TNFRSF21: variants seen among roughly 807,000 people sequenced by gnomAD.
TNFRSF21 encodes TNF receptor superfamily member 21, also known as tumor necrosis factor receptor superfamily member 21.
In TNFRSF21, 19 loss-of-function variants were observed where a neutral mutation model predicts 45.6. That is an observed-to-expected ratio of 0.42 (90% CI 0.29 to 0.61). TNFRSF21 has a LOEUF of 0.61. TNFRSF21 is among the 20% of genes least tolerant of loss of function. The pLI, the probability that TNFRSF21 is intolerant of heterozygous loss-of-function variation, is 0.23. For synonymous variants in TNFRSF21, 314 were observed against 335.5 expected (o/e 0.94, Z 0.70); for missense variants, 737 against 851.5 (o/e 0.87, Z 1.67).
At position 47,284,342 on chromosome 6, in the gene TNFRSF21, C is replaced by A; in HGVS notation, c.839G>T (p.Ser280Ile). Residue 280 changes from serine to isoleucine, a missense_variant, in exon 3 of 6, where the codon AGC becomes ATC. Ser to Ile is a moderately radical substitution (Grantham distance 142). Transcript: ENST00000296861. ...IQEGTVPDNT[S>I]SARGKEDVNK... The stretch of plus-strand genomic sequence containing the variant: ...CACGTCTTCCTTCCCCCTTGCTGAG[C>A]TTGTGTTGTCAGGGACTGTCCCTTC... 2 of 1,586,938 alleles carry A rather than the reference C, an allele frequency of 1.3e-6. No homozygotes were observed. Among genetic ancestry groups the A allele is most frequent in the Non-Finnish European group, 8.6e-7 (1 of 1,167,652 alleles).
chr6:47,262,998 T>C (rs1291689397), intron 3 of TNFRSF21, among the ~76,000 whole-genome samples: 2 of 152,018 alleles, frequency 1.3e-5, no homozygotes, highest in Non-Finnish European at 2.9e-5. Context: ...CAGATAAAAA[T>C]GGAGCAACCA....
In TNFRSF21 at chr6:47,243,560, G is replaced by A. The variant is rs373330831; in HGVS notation, c.1510-8662C>T. Among the ~76,000 whole-genome samples the A allele has an allele frequency of 9.9e-5, 15 of 152,170 alleles. No homozygotes were observed. The East Asian group carries it at 2.7e-3, about 27-fold the overall frequency. Reference sequence around the variant, plus strand: ...AGCCTCCTGACTAGCTGGGATTACAGGCATGCACCACCAGGCCCAGATGAT... The same window carrying A: ...AGCCTCCTGACTAGCTGGGATTACAAGCATGCACCACCAGGCCCAGATGAT... On this transcript the variant is annotated intron_variant, in intron 4 of 5. Transcript: ENST00000296861.
At position 47,286,139 on chromosome 6, in the gene TNFRSF21, T is replaced by G; in HGVS notation, c.553A>C (p.Lys185Gln). Residue 185 changes from lysine (K) to glutamine (Q), a missense_variant, in exon 2 of 6, where the codon AAA becomes CAA. Lys to Gln is a moderately conservative substitution (Grantham distance 53). Transcript: ENST00000296861. ...TFSDVPSSVM[K>Q]CKAYTDCLSQ... ...AGACAGTCTGTGTATGCTTTGCATT[T>G]CATCACACTAGAAGGCACATCTGAG... 6.2e-7 allele frequency: 1 copy of G among 1,614,228 alleles called. No homozygotes were observed. Among genetic ancestry groups the G allele is most frequent in the Non-Finnish European group, 8.5e-7 (1 of 1,180,052 alleles).
chr6:47,256,723 C>T (rs751557521), intron 3 of TNFRSF21, among the ~76,000 whole-genome samples: 5 of 152,174 alleles, frequency 3.3e-5, no homozygotes, highest in Non-Finnish European at 7.3e-5. Flanking sequence ...TGATTTTAAA[C>T]CCTGCAGGTA....
chr6:47,297,711 C>T (rs1269968964), intron 1 of TNFRSF21, among the ~76,000 whole-genome samples: 3 of 151,846 alleles, frequency 2.0e-5, no homozygotes, highest in Non-Finnish European at 2.9e-5. Context: ...TTAGTAGAGA[C>T]GGGACTTCAC....
intron 4 of TNFRSF21, among the ~76,000 whole-genome samples, chr6:47,237,470 A>C (rs1385966681): frequency 6.6e-6 from 1 of 152,186 alleles, no homozygotes; most frequent in Admixed American, 6.5e-5. Flanking sequence ...ATTAATTCTG[A>C]AAGTTTATGG....
Position 47,253,241 on chromosome 6 carries a change from C to CA in TNFRSF21, c.1509+14dup, listed in dbSNP as rs1296762769. The CA allele has an allele frequency of 1.2e-6, 2 of 1,610,008 alleles. No individual in the cohort carries two copies. Among genetic ancestry groups the CA allele is most frequent in the African/African-American group, 2.7e-5 (2 of 74,840 alleles). ...ATAGGTCGGTGGTAATGACACACAA[C>CA]AAGGGCTCCATTACCTGGGTGGTGT... is the stretch of plus-strand genomic sequence containing the variant. On this transcript the variant is annotated intron_variant, in intron 4 of 5. Transcript: ENST00000296861.
chr6:47,232,708 TA>T lies in TNFRSF21; in HGVS notation c.*56del. 6.5e-7 allele frequency: 1 copy of T among 1,538,152 alleles called. No homozygotes were observed. The highest frequency in any genetic ancestry group is 1.2e-5 in the South Asian group (1 of 86,704). The stretch of plus-strand genomic sequence containing the variant: ...ACAAAAATCAGAAACAGAAGAAAAT[TA>T]AAAAACCACCCTGCCACTAAATTGA... On this transcript the variant is annotated 3_prime_UTR_variant, in exon 6 of 6. Coordinates refer to ENST00000296861, the MANE Select transcript of TNFRSF21 (RefSeq NM_014452.5).
intron 3 of TNFRSF21, among the ~76,000 whole-genome samples, chr6:47,262,602 G>T (rs543879340): frequency 6.6e-6 from 1 of 152,192 alleles, no homozygotes; most frequent in African/African-American, 2.4e-5. Flanking sequence ...AGGGTAGGAG[G>T]TGATGAGGCT....
At chr6:47,303,342 CACAA>C (rs1249843537) in intron 1 of TNFRSF21, among the ~76,000 whole-genome samples, 2 of 152,156 alleles carry the variant, frequency 1.3e-5, no homozygotes, top group African/African-American at 4.8e-5. Flanking sequence ...TTTTGTGTAG[CACAA>C]AGTCTTAGGC....
chr6:47,264,315 G>T (rs912617603), intron 3 of TNFRSF21, among the ~76,000 whole-genome samples: 1 of 152,136 alleles, frequency 6.6e-6, no homozygotes, highest in Non-Finnish European at 1.5e-5. Context: ...ATCATTTGAG[G>T]TCAGGAGTTT....
chr6:47,309,277 G>GT, intron 1 of TNFRSF21, 139 bp downstream of exon 1: 1 of 1,246,006 alleles, frequency 8.0e-7, no homozygotes, highest in East Asian at 3.1e-5. Context: ...CCTTCCCTTG[G>GT]AAACCCCTCA....
intron 3 of TNFRSF21, among the ~76,000 whole-genome samples, chr6:47,274,990 C>T (rs561043566): frequency 3.9e-5 from 6 of 152,168 alleles, no homozygotes; most frequent in African/African-American, 1.4e-4. Context: ...CAGGAAACAA[C>T]AGATACTGGA....
chr6:47,245,172 G>GA (rs1377201996), intron 4 of TNFRSF21, among the ~76,000 whole-genome samples: 2 of 152,078 alleles, frequency 1.3e-5, no homozygotes, highest in East Asian at 3.9e-4. Flanking sequence ...CTCTGTCTCA[G>GA]AAAAAAATTA....
chr6:47,245,458 TTGTGTG>T (rs770568672), intron 4 of TNFRSF21, among the ~76,000 whole-genome samples: 1 of 107,804 alleles, frequency 9.3e-6, no homozygotes, highest in Admixed American at 8.7e-5. Flanking sequence ...GTGTGTGTGT[TTGTGTG>T]TGTGTGTGTG....
chr6:47,271,592 A>T (rs183041021), intron 3 of TNFRSF21, among the ~76,000 whole-genome samples: 138 of 152,358 alleles, frequency 9.1e-4, no homozygotes, highest in African/African-American at 2.7e-3. Context: ...GATGCTATGA[A>T]GAAACTGCAT....
chr6:47,245,432 GTGTGTGTGTGTGTGTGTGTGTGTGTT>G (rs1490902325), intron 4 of TNFRSF21, among the ~76,000 whole-genome samples: 2 of 117,400 alleles, frequency 1.7e-5, no homozygotes, highest in African/African-American at 8.1e-5. Flanking sequence ...GAAGAAGTGT[GTGTGTGTGTGTGTGTGTGTGTGTGTT>G]TGTGTGTGTG....
chr6:47,286,644 T>C (rs756919287), intron 1 of TNFRSF21, 49 bp from the exon 2 acceptor site: 1 of 1,547,676 alleles, frequency 6.5e-7, no homozygotes, highest in Non-Finnish European at 8.7e-7. Context: ...AAGAAGATGT[T>C]ACATAGGAGC....
intron 3 of TNFRSF21, among the ~76,000 whole-genome samples, chr6:47,270,062 G>T (rs1369168442): frequency 2.0e-5 from 3 of 152,172 alleles, no homozygotes; most frequent in Admixed American, 2.0e-4. Context: ...ACTGATCTGT[G>T]GTAAACACAT....
Sources: gnomAD v4.1 joint callset for allele counts (sites outside exome capture counted in the v4.1 genomes callset) on GRCh38, gnomAD v4.1.1 for gene constraint, MANE v1.5 for transcripts, NCBI Gene and HGNC (gene_info 2026-07-23, HGNC 2026-07-21) for gene names.